SND1: variants seen among roughly 807,000 people sequenced by gnomAD.
SND1 encodes the protein staphylococcal nuclease domain-containing protein 1.
A neutral mutation model predicts 121.7 loss-of-function variants in SND1; 38 were observed. The observed-to-expected ratio is 0.31, with a 90% CI of 0.24 to 0.41. The LOEUF is 0.41. SND1 is among the 10% of genes least tolerant of loss of function. SND1 has a pLI of 1.00. For missense variants in SND1, 868 were observed against 1,184.6 expected, an observed-to-expected ratio of 0.73 and a Z score of 3.92; for synonymous variants, 401 against 447.4, an observed-to-expected ratio of 0.90 and a Z score of 1.31.
At chr7:127,940,860 T>C (rs1049958607) in intron 15 of SND1, among the ~76,000 whole-genome samples, 1 of 152,222 alleles carries the variant, frequency 6.6e-6, no homozygotes, top group African/African-American at 2.4e-5. Flanking sequence ...GTGGGCAGCA[T>C]GTGCAAGCTT....
At chr7:127,706,265 CTTT>C (rs5887353) in intron 8 of SND1, among the ~76,000 whole-genome samples, 1 of 92,042 alleles carries the variant, frequency 1.1e-5, no homozygotes, top group Non-Finnish European at 2.1e-5. Context: ...CCCCCCCCAC[CTTT>C]TTTTTTTGAG....
intron 10 of SND1, among the ~76,000 whole-genome samples, chr7:127,794,094 A>G (rs926108012): frequency 1.9e-4 from 29 of 152,238 alleles, no homozygotes; most frequent in African/African-American, 6.8e-4. Flanking sequence ...ATTGATGTCA[A>G]GTAGACTGTA....
chr7:128,025,683 A>AG (rs1204137630), intron 16 of SND1, among the ~76,000 whole-genome samples: 1 of 152,202 alleles, frequency 6.6e-6, no homozygotes, highest in African/African-American at 2.4e-5. Flanking sequence ...ATACCATGAT[A>AG]GCAAAGGAAG....
chr7:127,806,005 A>G (rs1402922121), intron 10 of SND1, among the ~76,000 whole-genome samples: 1 of 152,192 alleles, frequency 6.6e-6, no homozygotes, highest in African/African-American at 2.4e-5. Flanking sequence ...CTTTGGAGCT[A>G]CTTAAATCTA....
intron 14 of SND1, among the ~76,000 whole-genome samples, chr7:127,921,484 T>G (rs562194449): frequency 1.3e-5 from 2 of 152,318 alleles, no homozygotes; most frequent in African/African-American, 4.8e-5. Flanking sequence ...TACTTACAGA[T>G]TAGTTAGGGG....
intron 16 of SND1, among the ~76,000 whole-genome samples, chr7:128,001,597 C>T (rs1372154284): frequency 6.6e-6 from 1 of 152,216 alleles, no homozygotes; most frequent in African/African-American, 2.4e-5. Flanking sequence ...ATATTAAACA[C>T]TCAGTGAATG....
intron 13 of SND1, among the ~76,000 whole-genome samples, chr7:127,896,777 C>T (rs1052886751): frequency 1.3e-5 from 2 of 152,066 alleles, no homozygotes; most frequent in Non-Finnish European, 1.5e-5. Flanking sequence ...GTTCATGGCT[C>T]CTTAATTCGA....
chr7:127,698,089 G>A (rs774692091), intron 3 of SND1, among the ~76,000 whole-genome samples: 3 of 152,138 alleles, frequency 2.0e-5, no homozygotes, highest in Non-Finnish European at 4.4e-5. Context: ...TAATCAGATT[G>A]GATTTTATGT....
intron 1 of SND1, among the ~76,000 whole-genome samples, chr7:127,681,752 A>C (rs1056082117): frequency 1.3e-5 from 2 of 152,204 alleles, no homozygotes; most frequent in African/African-American, 4.8e-5. Context: ...CTCTTTCCCC[A>C]TCAAATTATC....
intron 13 of SND1, among the ~76,000 whole-genome samples, chr7:127,897,424 T>TA (rs1346587815): frequency 1.3e-4 from 20 of 152,184 alleles, no homozygotes; most frequent in African/African-American, 3.4e-4. Flanking sequence ...ATTTTGGGGG[T>TA]AAAAACAAAA....
intron 15 of SND1, among the ~76,000 whole-genome samples, chr7:127,956,177 A>G (rs922968156): frequency 4.6e-5 from 7 of 152,112 alleles, no homozygotes; most frequent in South Asian, 2.1e-4. Flanking sequence ...CACAATGCCT[A>G]TCTTGTAGCA....
chr7:128,003,405 TC>T (rs1429855368), intron 16 of SND1, among the ~76,000 whole-genome samples: 2 of 152,154 alleles, frequency 1.3e-5, no homozygotes, highest in African/African-American at 4.8e-5. Context: ...ACATATGCCT[TC>T]CTCTTCTCCC....
At chr7:127,784,626 C>T (rs911642490) in intron 10 of SND1, among the ~76,000 whole-genome samples, 15 of 152,272 alleles carry the variant, frequency 9.9e-5, no homozygotes, top group African/African-American at 3.6e-4. Context: ...ATTGTTCTCC[C>T]TTTTTTCATT....
At chr7:127,701,835 C>T (rs1022503750) in intron 5 of SND1, among the ~76,000 whole-genome samples, 4 of 152,172 alleles carry the variant, frequency 2.6e-5, no homozygotes, top group Non-Finnish European at 5.9e-5. Flanking sequence ...TGCTAGATTA[C>T]TTACAATACC....
At chr7:127,723,740 C>A (rs1437013209) in intron 10 of SND1, among the ~76,000 whole-genome samples, 1 of 152,126 alleles carries the variant, frequency 6.6e-6, no homozygotes, top group East Asian at 1.9e-4. Flanking sequence ...CGCTGTCCAA[C>A]AGATATATAA....
chr7:127,951,286 C>A (rs1033102579), intron 15 of SND1, among the ~76,000 whole-genome samples: 3 of 152,180 alleles, frequency 2.0e-5, no homozygotes, highest in Admixed American at 6.5e-5. Flanking sequence ...ATGGATGAAT[C>A]TGCAGGTCAT....
intron 16 of SND1, among the ~76,000 whole-genome samples, chr7:128,035,736 A>C (rs549275851): frequency 6.6e-6 from 1 of 152,250 alleles, no homozygotes; most frequent in Non-Finnish European, 1.5e-5. Context: ...AAGAGTCTTC[A>C]ATAGCACCAG....
At chr7:127,839,431 G>A (rs1238284918) in intron 11 of SND1, among the ~76,000 whole-genome samples, 5 of 152,210 alleles carry the variant, frequency 3.3e-5, no homozygotes, top group South Asian at 4.1e-4. Context: ...CTCTGCAGTT[G>A]TTTTCCTTCC....
intron 15 of SND1, among the ~76,000 whole-genome samples, chr7:127,976,771 A>G (rs968258555): frequency 6.6e-6 from 1 of 152,194 alleles, no homozygotes; most frequent in Non-Finnish European, 1.5e-5. Flanking sequence ...AGCCCAGTGA[A>G]TGAGAGAAGG....
Sources: gnomAD v4.1 joint callset for allele counts (sites outside exome capture counted in the v4.1 genomes callset) on GRCh38, gnomAD v4.1.1 for gene constraint, MANE v1.5 for transcripts, NCBI Gene and HGNC (gene_info 2026-07-23, HGNC 2026-07-21) for gene names.